The following DEPDC4 variants were observed in gnomAD, a reference collection of about 807,000 sequenced individuals.
DEPDC4 encodes DEP domain containing 4.
A neutral mutation model predicts 52.0 loss-of-function variants in DEPDC4; 52 were observed. The observed-to-expected ratio is 1.00, with a 90% CI of 0.80 to 1.26. The LOEUF (loss-of-function observed/expected upper bound fraction) is 1.26. DEPDC4 is among the 50% of genes most tolerant of loss of function. DEPDC4 has a pLI of 0.00. For missense variants in DEPDC4, 530 were observed against 546.9 expected, an observed-to-expected ratio of 0.97 and a Z score of 0.31; for synonymous variants, 201 against 196.8, an observed-to-expected ratio of 1.02 and a Z score of -0.18.
At chr12:100,234,564 A>T (rs922420302) in intron 9 of DEPDC4, among the ~76,000 whole-genome samples, 3 of 151,844 alleles carry the variant, frequency 2.0e-5, no homozygotes, top group African/African-American at 7.3e-5. Flanking sequence ...GGATTTTACA[A>T]GGAAGAGCAC....
At chr12:100,267,220 C>T (rs796356983), upstream of DEPDC4, 17 of 839,434 alleles carry the variant, frequency 2.0e-5, no homozygotes, top group African/African-American at 2.4e-4. Flanking sequence ...GGTCCCTCCC[C>T]TCCCCACCCC....
chr12:100,255,757 G>A (rs2096229890), intron 4 of DEPDC4: 2 of 186,566 alleles, frequency 1.1e-5, no homozygotes, highest in South Asian at 3.5e-4. Context: ...AACTGGGATG[G>A]TTGCATTATT....
At chr12:100,266,129 G>T (rs1248715062) in intron 1 of DEPDC4, among the ~76,000 whole-genome samples, 2 of 152,052 alleles carry the variant, frequency 1.3e-5, no homozygotes, top group African/African-American at 4.8e-5. Flanking sequence ...GAATAACTTA[G>T]AACTTCTAGA....
At chr12:100,233,109 C>T (rs1042234380) in intron 9 of DEPDC4, among the ~76,000 whole-genome samples, 14 of 152,100 alleles carry the variant, frequency 9.2e-5, no homozygotes, top group African/African-American at 2.4e-4. Flanking sequence ...AGTGGACTTG[C>T]GAGTCAAACA....
intron 9 of DEPDC4, among the ~76,000 whole-genome samples, chr12:100,233,500 G>A (rs1000468638): frequency 1.3e-5 from 2 of 152,088 alleles, no homozygotes; most frequent in South Asian, 2.1e-4. Flanking sequence ...ACATTACTAC[G>A]TTGTTAATGT....
At chr12:100,275,772 G>A in the DEPDC4 span, among the ~76,000 whole-genome samples, 2 of 152,314 alleles carry the variant, frequency 1.3e-5, no homozygotes, top group African/African-American at 4.8e-5. Context: ...AGGGAGAAAA[G>A]TGGTTAGTAT....
At chr12:100,264,040 T>G in intron 1 of DEPDC4, 147 bp from the exon 2 acceptor site, 1 of 732,962 alleles carries the variant, frequency 1.4e-6, no homozygotes, top group Non-Finnish European at 2.2e-6. Flanking sequence ...ACATAAACTA[T>G]AGTATATTTA....
At position 100,263,601 on chromosome 12, in the gene DEPDC4, A is replaced by C. The variant is rs757672538; in HGVS notation, c.450T>G (p.Phe150Leu). Residue 150 changes from phenylalanine to leucine, a missense_variant, in exon 2 of 10, where the codon TTT becomes TTG. Coordinates refer to ENST00000550587, the MANE Select transcript of DEPDC4 (RefSeq NM_001364818.2). ...KLFKKEKELE[F>L]EDSNISLYRF... ...TGTAGAGACTAATGTTGGAATCTTC[A>C]AATTCTAATTCCTTTTCTTTTTTGA... 3 of 1,614,104 alleles carry C rather than the reference A, an allele frequency of 1.9e-6. No individual in the cohort carries two copies. The highest frequency in any genetic ancestry group is 1.7e-6 in the Non-Finnish European group (2 of 1,179,996).
Position 100,240,836 on chromosome 12 carries a change from T to C in DEPDC4, c.*1056A>G, listed in dbSNP as rs1172211624. ...GGGAGGCTAAGGTGGGCAGATCACC[T>C]GAGGTCAGGAGTTCAAGACTAGCCT... On this transcript the variant is annotated 3_prime_UTR_variant, in exon 10 of 10. Coordinates refer to ENST00000550587, the MANE Select transcript of DEPDC4 (RefSeq NM_001364818.2). Among the ~76,000 whole-genome samples the C allele has an allele frequency of 6.6e-6, 1 of 152,212 alleles. No homozygotes were observed. The highest frequency in any genetic ancestry group is 1.5e-5 in the Non-Finnish European group (1 of 68,040).
downstream of DEPDC4, among the ~76,000 whole-genome samples, chr12:100,237,236 G>A (rs147177732): frequency 2.1e-3 from 301 of 143,248 alleles, 2 homozygotes; most frequent in African/African-American, 7.7e-3. Context: ...ACAGAGTCTC[G>A]TTCTGTTGCC....
At chr12:100,252,585 A>C in intron 5 of DEPDC4, 49 bp from the exon 6 acceptor site, 1 of 1,510,676 alleles carries the variant, frequency 6.6e-7, no homozygotes, top group Non-Finnish European at 8.9e-7. Context: ...AAAAATGGAG[A>C]GTATAGTAAG....
Position 100,241,803 on chromosome 12 carries a change from T to C in DEPDC4, c.*89A>G. ...ATACTGAATTGTCCTTCCCTTCTGC[T>C]TTTCAAACTCCTTGTATGTCAAGGG... On this transcript the variant is annotated 3_prime_UTR_variant, in exon 10 of 10. Coordinates refer to ENST00000550587, the MANE Select transcript of DEPDC4 (RefSeq NM_001364818.2). 8.0e-7 allele frequency: 1 copy of C among 1,252,552 alleles called. No individual in the cohort carries two copies. The allele number at this position is 1,252,552 out of a possible 1,614,324, so 77.6% of individuals were successfully genotyped here.
At position 100,263,887 on chromosome 12, in the gene DEPDC4, G is replaced by C. The variant is rs1370356096; in HGVS notation, c.164C>G (p.Ser55Cys). The change falls in exon 2 of 10, where the codon TCT (serine) becomes TGT (cysteine). Residue 55 changes from serine to cysteine, a missense_variant. By Grantham distance (112) the Ser-to-Cys change is moderately radical (BLOSUM62 -1). Transcript: ENST00000550587. ...GFCRKRRTGC[S>C]GPFQATQLWD... ...TAGCTGAGTAGCTTGAAAAGGACCA[G>C]AGCATCCTGAAAAAAATTAAATATG... is the stretch of plus-strand genomic sequence containing the variant. The C allele has an allele frequency of 6.3e-7, 1 of 1,583,016 alleles. No individual in the cohort carries two copies. The highest frequency in any genetic ancestry group is 8.6e-7 in the Non-Finnish European group (1 of 1,166,548).
At chr12:100,262,522 A>G (rs2096257266) in intron 2 of DEPDC4, 113 bp from the exon 3 acceptor site, 1 of 775,490 alleles carries the variant, frequency 1.3e-6, no homozygotes, top group South Asian at 2.8e-5. Flanking sequence ...TCCAAAAACG[A>G]TTTCAGGCAG....
intron 4 of DEPDC4, among the ~76,000 whole-genome samples, chr12:100,254,223 C>G (rs375949503): frequency 6.6e-6 from 1 of 151,924 alleles, no homozygotes; most frequent in East Asian, 1.9e-4. Context: ...TCATTTCTCC[C>G]TTTTCCATAT....
At position 100,253,640 on chromosome 12, in the gene DEPDC4, C is replaced by T. The variant is rs1333676646; in HGVS notation, c.954G>A (p.Gln318=). The part of the protein sequence containing the change: ...FPDQLIVTVS[Q]QLMQNRNEET... ...CTTCATTTCTGTTTTGCATTAACTG[C>T]TGACTAACTGTAACTATTAACTGGT... is the stretch of plus-strand genomic sequence containing the variant. Residue 318 remains glutamine (Q), a synonymous_variant, in exon 5 of 10, where the codon CAG becomes CAA. Transcript: ENST00000550587. The T allele has an allele frequency of 7.8e-7, 1 of 1,289,808 alleles. No homozygotes were observed. Among genetic ancestry groups the T allele is most frequent in the Non-Finnish European group, 1.0e-6 (1 of 988,884 alleles). The allele number at this position is 1,289,808 out of a possible 1,614,324, so 79.9% of individuals were successfully genotyped here.
chr12:100,235,113 G>A (rs150461449), downstream of DEPDC4, among the ~76,000 whole-genome samples: 8 of 151,602 alleles, frequency 5.3e-5, no homozygotes, highest in South Asian at 4.2e-4. Flanking sequence ...ATATGTACAC[G>A]TTGATAAAAA....
At chr12:100,264,330 T>C (rs1203346316) in intron 1 of DEPDC4, among the ~76,000 whole-genome samples, 1 of 152,094 alleles carries the variant, frequency 6.6e-6, no homozygotes, top group African/African-American at 2.4e-5. Context: ...ATTAGGGAGA[T>C]CAAGGCAAAG....
chr12:100,267,223 C>T (rs1385393870), upstream of DEPDC4: 2 of 832,904 alleles, frequency 2.4e-6, no homozygotes, highest in Non-Finnish European at 1.8e-6. Flanking sequence ...CCCTCCCCTC[C>T]CCACCCCTTT....
Sources: gnomAD v4.1 joint callset for allele counts (sites outside exome capture counted in the v4.1 genomes callset) on GRCh38, gnomAD v4.1.1 for gene constraint, MANE v1.5 for transcripts, NCBI Gene and HGNC (gene_info 2026-07-23, HGNC 2026-07-21) for gene names.